Variants in CMSS1 observed in about 807,000 individuals in gnomAD.
The protein encoded by CMSS1 is protein CMSS1.
CMSS1 carries 33 observed loss-of-function variants against 43.5 expected under a neutral mutation model. The observed-to-expected ratio is 0.76, with a 90% CI of 0.57 to 1.01. The LOEUF (loss-of-function observed/expected upper bound fraction) is 1.01, where lower values mean the gene tolerates loss of function less well. Among genes scored for constraint, CMSS1 ranks in the 50% least tolerant of loss-of-function variants. The pLI is 0.00. For missense variants in CMSS1, 313 were observed against 326.4 expected (o/e 0.96, Z 0.32); for synonymous variants, 115 against 117.2 (o/e 0.98, Z 0.12).
At chr3:100,139,885 T>A (rs77800946) in intron 1 of CMSS1, among the ~76,000 whole-genome samples, 8,220 of 151,200 alleles carry the variant, frequency 0.054, 298 homozygotes, top group Non-Finnish European at 0.084. Flanking sequence ...ATACACTGCC[T>A]AGGGCAGTGT....
At position 99,819,746 on chromosome 3, in the gene CMSS1, GT is replaced by G. The variant is rs972272135; in HGVS notation, c.64+1713del. On this transcript the variant is annotated intron_variant, in intron 1 of 9. Transcript: ENST00000421999. ...TTTTTTAGGGTTTTACCAACCAACA[GT>G]TTTTTTTTTCTTTTTTTTTTTTTTT... Among the ~76,000 whole-genome samples the G allele has an allele frequency of 1.7e-3, 246 of 143,514 alleles. 1 individual carries two copies. Among genetic ancestry groups the G allele is most frequent in the Admixed American group, 3.4e-3 (49 of 14,404 alleles). The allele number at this position is 143,514 out of a possible 152,430, so 94.2% of individuals were successfully genotyped here.
chr3:99,922,531 C>T (rs1258202104), intron 1 of CMSS1, among the ~76,000 whole-genome samples: 1 of 152,076 alleles, frequency 6.6e-6, no homozygotes, highest in African/African-American at 2.4e-5. Flanking sequence ...AAAATGCCTA[C>T]CATAAAGTAT....
chr3:100,084,503 T>G (rs553234713), intron 1 of CMSS1, among the ~76,000 whole-genome samples: 1 of 152,332 alleles, frequency 6.6e-6, no homozygotes, highest in Admixed American at 6.5e-5. Context: ...CTCCAAAGAT[T>G]TGTTTAAAAG....
intron 1 of CMSS1, among the ~76,000 whole-genome samples, chr3:99,844,808 T>C (rs1303774974): frequency 6.6e-6 from 1 of 152,184 alleles, no homozygotes; most frequent in Non-Finnish European, 1.5e-5. Flanking sequence ...GGAGTTCTCA[T>C]GAGACCTGAT....
intron 1 of CMSS1, among the ~76,000 whole-genome samples, chr3:100,127,108 A>G (rs1286428162): frequency 1.3e-5 from 2 of 152,250 alleles, no homozygotes; most frequent in Admixed American, 6.5e-5. Flanking sequence ...AAATCTGTAA[A>G]TTGCTGACGT....
At chr3:99,849,066 C>T (rs1943518839) in intron 1 of CMSS1, 2 of 1,613,982 alleles carry the variant, frequency 1.2e-6, no homozygotes, top group South Asian at 1.1e-5. Context: ...GAAGATGGCC[C>T]TCCTTGGATT....
chr3:99,932,228 T>C (rs1707504726), intron 1 of CMSS1, among the ~76,000 whole-genome samples: 1 of 152,212 alleles, frequency 6.6e-6, no homozygotes, highest in Non-Finnish European at 1.5e-5. Context: ...ATTTGGTATT[T>C]ATCATTCCCC....
At chr3:99,833,358 A>G (rs550150176) in intron 1 of CMSS1, 1 of 1,035,796 alleles carries the variant, frequency 9.7e-7, no homozygotes, top group East Asian at 2.5e-5. Context: ...AAAGAAACCT[A>G]GCAATCTAGA....
intron 1 of CMSS1, among the ~76,000 whole-genome samples, chr3:99,844,599 A>G (rs762910146): frequency 6.6e-6 from 1 of 152,206 alleles, no homozygotes; most frequent in East Asian, 1.9e-4. Flanking sequence ...TCAACCAGTA[A>G]AGACCATAGA....
At chr3:99,876,302 G>T (rs1173192469) in intron 1 of CMSS1, 2 of 677,586 alleles carry the variant, frequency 3.0e-6, no homozygotes, top group Non-Finnish European at 3.6e-6. Context: ...CGGCGGCGGC[G>T]CAGCCACACA....
chr3:100,110,583 A>G (rs2066474440), intron 1 of CMSS1, among the ~76,000 whole-genome samples: 1 of 152,192 alleles, frequency 6.6e-6, no homozygotes. Flanking sequence ...AGAACGTAAA[A>G]AAAGAAATAA....
chr3:100,167,969 A>G (rs1414072844), intron 6 of CMSS1, 129 bp downstream of exon 6: 6 of 548,840 alleles, frequency 1.1e-5, no homozygotes, highest in Non-Finnish European at 1.9e-5. Context: ...TGGAATTTAT[A>G]TTTCAGTGGG....
rs564006713 is a variant in CMSS1, at chr3:100,004,891, C to A, written c.65-142082C>A. 2.4e-3 allele frequency among the ~76,000 whole-genome samples: 367 copies of A among 152,258 alleles called. 1 individual carries two copies. The highest frequency in any genetic ancestry group is 8.3e-3 in the African/African-American group (346 of 41,538). On this transcript the variant is annotated intron_variant, in intron 1 of 9. Transcript: ENST00000421999. ...TTAGAGGCAGGAGAATTATTGGTGTCTGTTGGCAAGCAGATTCTCATAGCC... is the reference window on the plus strand; with the variant it reads ...TTAGAGGCAGGAGAATTATTGGTGTATGTTGGCAAGCAGATTCTCATAGCC...
chr3:99,879,888 A>G (rs1472889846), intron 1 of CMSS1, among the ~76,000 whole-genome samples: 1 of 152,172 alleles, frequency 6.6e-6, no homozygotes, highest in African/African-American at 2.4e-5. Flanking sequence ...TTGCATAGGG[A>G]GAGGTATAGT....
intron 1 of CMSS1, among the ~76,000 whole-genome samples, chr3:99,854,741 C>A (rs1943874172): frequency 6.6e-6 from 1 of 152,152 alleles, no homozygotes; most frequent in Non-Finnish European, 1.5e-5. Flanking sequence ...ATGTTTGTGG[C>A]ATGTGTGTAT....
Position 100,170,267 on chromosome 3 carries a change from T to C in CMSS1, c.519-1572T>C, listed in dbSNP as rs112065846. On this transcript the variant is annotated intron_variant, in intron 6 of 9. Transcript: ENST00000421999. ...GTCAATATTTCTCAAAATATAATAATGATATATGAAGGAAAGTAGAAAACC... is the reference window on the plus strand; with the variant it reads ...GTCAATATTTCTCAAAATATAATAACGATATATGAAGGAAAGTAGAAAACC... 8.1e-4 allele frequency among the ~76,000 whole-genome samples: 124 copies of C among 152,244 alleles called. 1 individual carries two copies. The highest frequency in any genetic ancestry group is 2.8e-3 in the African/African-American group (118 of 41,542).
At chr3:100,136,622 G>C (rs1459605703) in intron 1 of CMSS1, among the ~76,000 whole-genome samples, 3 of 152,224 alleles carry the variant, frequency 2.0e-5, no homozygotes, top group African/African-American at 7.2e-5. Flanking sequence ...CTTGTTTCTT[G>C]TTTCTGCCTT....
intron 1 of CMSS1, among the ~76,000 whole-genome samples, chr3:100,123,730 A>G (rs2066640086): frequency 6.6e-6 from 1 of 152,162 alleles, no homozygotes; most frequent in African/African-American, 2.4e-5. Context: ...CTGCCTGATG[A>G]TTAACAGAAG....
At chr3:100,164,026 C>T (rs368360572) in intron 4 of CMSS1, among the ~76,000 whole-genome samples, 126 of 152,200 alleles carry the variant, frequency 8.3e-4, no homozygotes, top group Middle Eastern at 6.8e-3. Context: ...GACATGAGTG[C>T]CCTGTCTGTT....
Sources: gnomAD v4.1 joint callset for allele counts (sites outside exome capture counted in the v4.1 genomes callset) on GRCh38, gnomAD v4.1.1 for gene constraint, MANE v1.5 for transcripts, NCBI Gene and HGNC (gene_info 2026-07-23, HGNC 2026-07-21) for gene names.